The following ABCA1 variants were observed in gnomAD, a reference collection of about 807,000 sequenced individuals.
The protein encoded by ABCA1 is ATP binding cassette subfamily A member 1, also known as phospholipid-transporting ATPase ABCA1.
Under a neutral mutation model 262.5 loss-of-function variants are expected in ABCA1, and 133 were observed. The ratio of observed to expected loss-of-function variants is 0.51; its 90% CI spans 0.44 to 0.59. The LOEUF (loss-of-function observed/expected upper bound fraction) is 0.59, where lower values mean the gene tolerates loss of function less well. ABCA1 is among the 20% of genes least tolerant of loss of function. ABCA1 has a pLI of 0.00. For synonymous variants in ABCA1, 1,022 were observed against 1,043.5 expected (o/e 0.98, Z 0.40); for missense variants, 2,452 against 2,777.5 (o/e 0.88, Z 2.63).
intron 2 of ABCA1, among the ~76,000 whole-genome samples, chr9:104,895,399 C>T (rs1033503495): frequency 5.9e-5 from 9 of 152,094 alleles, no homozygotes; most frequent in Non-Finnish European, 8.8e-5. Context: ...ATGAATTCTA[C>T]GAAGTTCAGC....
At position 104,782,389 on chromosome 9, in the gene ABCA1, T is replaced by A. The variant is rs1015943563; in HGVS notation, c.*1926A>T. 8 of 152,094 alleles carry A rather than the reference T, an allele frequency of 5.3e-5. No individual in the cohort carries two copies. The highest frequency in any genetic ancestry group is 5.2e-4 in the Admixed American group (8 of 15,262). The allele number at this position is 152,094 out of a possible 1,614,324, so 9.4% of individuals were successfully genotyped here. A position where few individuals can be genotyped will look rare whatever the true frequency, so the allele number is the denominator to read the frequency against. ...AGAAAGATTAATTTGAAATCTGAAG[T>A]CTTACACCTTTAGCGTTAATATTCA... On this transcript the variant is annotated 3_prime_UTR_variant, in exon 50 of 50. Transcript: ENST00000374736.
rs1833030013 is a variant in ABCA1, at chr9:104,829,000, G to T, written c.2031C>A (p.Asp677Glu). The T allele has an allele frequency of 6.2e-7, 1 of 1,614,170 alleles. No individual in the cohort carries two copies. ...ACCAGCTAAACCAGAGGATGCTGTT[G>T]TCCAGGCCCATGATCCGCATGGTCT... ...LKETMRIMGL[D>E]NSILWFSWFI... Residue 677 changes from aspartate (D) to glutamate (E), a missense_variant, in exon 15 of 50, where the codon GAC becomes GAA. Transcript: ENST00000374736.
intron 34 of ABCA1, among the ~76,000 whole-genome samples, chr9:104,801,511 C>T (rs1032485835): frequency 2.0e-5 from 3 of 151,224 alleles, no homozygotes; most frequent in Non-Finnish European, 2.9e-5. Flanking sequence ...TAAGCCACCG[C>T]GCCCAGCCTC....
intron 1 of ABCA1, among the ~76,000 whole-genome samples, chr9:104,914,296 A>C (rs62568200): frequency 0.079 from 11,933 of 151,496 alleles, 850 homozygotes; most frequent in East Asian, 0.41. Flanking sequence ...GGTCAACATG[A>C]TAAAACCCCA....
intron 18 of ABCA1, among the ~76,000 whole-genome samples, chr9:104,823,305 T>C (rs765766699): frequency 2.0e-5 from 3 of 152,110 alleles, no homozygotes; most frequent in Non-Finnish European, 4.4e-5. Context: ...ATGATAAAAT[T>C]GCATAGAACT....
chr9:104,869,240 G>GA (rs4149345), intron 5 of ABCA1, among the ~76,000 whole-genome samples: 165 of 148,578 alleles, frequency 1.1e-3, no homozygotes, highest in African/African-American at 3.7e-3. Context: ...GGAGGCAAAT[G>GA]AAAAAAAAGG....
chr9:104,831,669 G>C lies in ABCA1; in HGVS notation c.1668C>G (p.Ile556Met). ...TCTCCACATTGTCAATGTCCATTCG[G>C]ATCTTGTACTTGACATGATGGGGCA... ...IELPHHVKYK[I>M]RMDIDNVERT... is the part of the protein sequence containing the mutation. Residue 556 changes from isoleucine (I) to methionine (M), a missense_variant, in exon 13 of 50, where the codon ATC (isoleucine) becomes ATG (methionine). This residue lies in a region of ABCA1 where 1,032 missense variants were observed against 1,089.7 expected (regional missense o/e 0.95). Coordinates refer to ENST00000374736, the MANE Select transcript of ABCA1 (RefSeq NM_005502.4). 1 of 1,614,118 alleles carries C rather than the reference G, an allele frequency of 6.2e-7. No individual in the cohort carries two copies. Among genetic ancestry groups the C allele is most frequent in the Non-Finnish European group, 8.5e-7 (1 of 1,180,028 alleles).
chr9:104,791,056 G>A, intron 43 of ABCA1, 28 bp from the exon 44 acceptor site: 3 of 1,540,028 alleles, frequency 1.9e-6, no homozygotes, highest in Non-Finnish European at 2.7e-6. Flanking sequence ...AGTTGTATAA[G>A]CAAACTCTAA....
At chr9:104,822,397 T>TG in intron 19 of ABCA1, 99 bp downstream of exon 19, 1 of 1,498,792 alleles carries the variant, frequency 6.7e-7, no homozygotes, top group Non-Finnish European at 9.3e-7. Context: ...CTCCTTCCCT[T>TG]GGCCCAGGGA....
chr9:104,868,130 C>T (rs1193700236), intron 5 of ABCA1, among the ~76,000 whole-genome samples: 2 of 152,072 alleles, frequency 1.3e-5, no homozygotes, highest in Non-Finnish European at 2.9e-5. Flanking sequence ...GAGGCCAAGA[C>T]GGGTGGATCA....
chr9:104,820,174 T>C, intron 20 of ABCA1, 105 bp from the exon 21 acceptor site: 1 of 1,429,732 alleles, frequency 7.0e-7, no homozygotes, highest in Non-Finnish European at 9.8e-7. Context: ...TCTCTCCCCG[T>C]GCTTTTTAAA....
At chr9:104,836,875 G>C in intron 11 of ABCA1, 105 bp downstream of exon 11, 1 of 926,028 alleles carries the variant, frequency 1.1e-6, no homozygotes, top group South Asian at 1.3e-5. Flanking sequence ...CCCCCAGCTA[G>C]ATAAACTGAA....
intron 49 of ABCA1, 148 bp downstream of exon 49, chr9:104,785,248 G>A: frequency 9.7e-7 from 1 of 1,025,964 alleles, no homozygotes; most frequent in Non-Finnish European, 1.4e-6. Context: ...GGTTCAGAGA[G>A]GTTTAGTAAA....
Position 104,845,464 on chromosome 9 carries a change from A to G in ABCA1, c.813+13T>C. The G allele has an allele frequency of 1.2e-6, 2 of 1,602,482 alleles. No homozygotes were observed. The highest frequency in any genetic ancestry group is 1.7e-6 in the Non-Finnish European group (2 of 1,169,712). On this transcript the variant is annotated intron_variant, in intron 8 of 49. Coordinates refer to ENST00000374736, the MANE Select transcript of ABCA1 (RefSeq NM_005502.4). ...GATGATCCGCTTCCTGGTACTGGAA[A>G]GACACAACTTACCTCCTGGGCCAGA...
chr9:104,855,152 C>A, intron 7 of ABCA1: 1 of 984,798 alleles, frequency 1.0e-6, no homozygotes, highest in Non-Finnish European at 1.2e-6. Context: ...AGGACCACTT[C>A]GCTTGGTATG....
chr9:104,792,795 C>T lies in ABCA1; in HGVS notation c.5748G>A (p.Glu1916=). Residue 1916 remains glutamate (E), a synonymous_variant, in exon 42 of 50, where the codon GAG becomes GAA. Transcript: ENST00000374736. ...ACCTGTACTCTCTCACCTTCGTCAA[C>T]TCCTTGATTTCTAAGATGTCATTCT... is the stretch of plus-strand genomic sequence containing the variant. ...GGQNDILEIK[E]LTKIYRRKRK... 6.2e-7 allele frequency: 1 copy of T among 1,614,140 alleles called. No homozygotes were observed. The highest frequency in any genetic ancestry group is 8.5e-7 in the Non-Finnish European group (1 of 1,180,006).
rs1298638483 is a variant in ABCA1, at chr9:104,837,235, G to A, written c.1195-139C>T. On this transcript the variant is annotated intron_variant, in intron 10 of 49. Transcript: ENST00000374736. ...CCCCATCCCCAAGAAATGCCTGCTTGTAACTATGATTCTATACCCACGACT... is the reference window on the plus strand; with the variant it reads ...CCCCATCCCCAAGAAATGCCTGCTTATAACTATGATTCTATACCCACGACT... 5.7e-6 allele frequency: 6 copies of A among 1,050,230 alleles called. No individual in the cohort carries two copies. In the Admixed American group the frequency reaches 1.2e-4, roughly 21 times the overall value. The allele number at this position is 1,050,230 out of a possible 1,614,324, so 65.1% of individuals were successfully genotyped here.
At chr9:104,914,930 G>C (rs4149264) in intron 1 of ABCA1, among the ~76,000 whole-genome samples, 26,983 of 152,072 alleles carry the variant, frequency 0.18, 2,571 homozygotes, top group Middle Eastern at 0.38. Context: ...GTGAGCTAGA[G>C]AGAATCTGTG....
Position 104,785,435 on chromosome 9 carries a change from G to A in ABCA1, c.6606C>T (p.His2202=). ...TCTGAGAAACAGAGTAGTCTTCTAT[G>A]TGGAGTCGCTTTTTGCTCTGGGAGA... is the stretch of plus-strand genomic sequence containing the variant. ...SILSQSKKRL[H]IEDYSVSQTT... Residue 2202 remains histidine (H), a synonymous_variant, in exon 49 of 50, where the codon CAC becomes CAT. Transcript: ENST00000374736. The A allele has an allele frequency of 2.5e-6, 4 of 1,614,124 alleles. No homozygotes were observed. The highest frequency in any genetic ancestry group is 3.4e-6 in the Non-Finnish European group (4 of 1,179,976).
Sources: gnomAD v4.1 joint callset for allele counts (sites outside exome capture counted in the v4.1 genomes callset) on GRCh38, gnomAD v4.1.1 for gene constraint, gnomAD v4.1.1 regional missense constraint, MANE v1.5 for transcripts, NCBI Gene and HGNC (gene_info 2026-07-23, HGNC 2026-07-21) for gene names.